Variants in CACNG3 observed in about 807,000 individuals in gnomAD.
CACNG3 encodes the protein voltage-dependent calcium channel gamma-3 subunit.
A neutral mutation model predicts 28.5 loss-of-function variants in CACNG3; 3 were observed. The observed-to-expected ratio is 0.11, with a 90% confidence interval of 0.05 to 0.27. The LOEUF is 0.27. Among genes scored for constraint, CACNG3 ranks in the 10% least tolerant of loss-of-function variants. The pLI, the probability that CACNG3 is intolerant of heterozygous loss-of-function variation, is 1.00. For missense variants in CACNG3, 236 were observed against 414.4 expected (o/e 0.57, Z 3.74); for synonymous variants, 174 against 162.2 (o/e 1.07, Z -0.55).
intron 2 of CACNG3, among the ~76,000 whole-genome samples, chr16:24,352,515 GT>G: frequency 7.8e-6 from 1 of 127,722 alleles, no homozygotes. Context: ...GGGTTATGGG[GT>G]TTTTTTTGTT....
chr16:24,257,485 T>C (rs552497694), intron 1 of CACNG3, among the ~76,000 whole-genome samples: 12 of 151,874 alleles, frequency 7.9e-5, no homozygotes, highest in African/African-American at 2.9e-4. Flanking sequence ...CATAGACTTA[T>C]CAGTTTCTCC....
intron 1 of CACNG3, among the ~76,000 whole-genome samples, chr16:24,311,833 G>A (rs1899268729): frequency 6.6e-6 from 1 of 152,250 alleles, no homozygotes. Flanking sequence ...CTGGGCGACA[G>A]AGCAAGACTC....
chr16:24,330,228 C>A (rs1899613427), intron 1 of CACNG3, among the ~76,000 whole-genome samples: 1 of 152,150 alleles, frequency 6.6e-6, no homozygotes, highest in African/African-American at 2.4e-5. Context: ...AGGTACAGAC[C>A]AGCTCTGCAC....
At chr16:24,332,464 C>CAA (rs397955620) in intron 1 of CACNG3, among the ~76,000 whole-genome samples, 4,877 of 135,342 alleles carry the variant, frequency 0.036, 214 homozygotes, top group African/African-American at 0.1. Flanking sequence ...GACCCTGTCT[C>CAA]AAAAAAAAAA....
At chr16:24,340,942 T>C (rs1043772060) in intron 1 of CACNG3, among the ~76,000 whole-genome samples, 2 of 152,230 alleles carry the variant, frequency 1.3e-5, no homozygotes, top group African/African-American at 4.8e-5. Flanking sequence ...TACCTCTCTC[T>C]GCTCCAATGC....
chr16:24,333,281 AT>A (rs893924334), intron 1 of CACNG3: 48 of 152,344 alleles, frequency 3.2e-4, no homozygotes, highest in African/African-American at 1.1e-3. Flanking sequence ...TCAGAAAAAA[AT>A]CAGCATGTTT....
intron 1 of CACNG3, among the ~76,000 whole-genome samples, chr16:24,270,505 G>T (rs1007112801): frequency 1.3e-5 from 2 of 152,228 alleles, no homozygotes; most frequent in Non-Finnish European, 2.9e-5. Flanking sequence ...TGAGCCAGAG[G>T]TCTGCTGCGC....
In CACNG3 at chr16:24,267,329, C is replaced by T. The variant is rs564084716; in HGVS notation, c.211+10364C>T. Among the ~76,000 whole-genome samples the T allele has an allele frequency of 3.0e-4, 45 of 152,064 alleles. 1 individual carries two copies. Among genetic ancestry groups the T allele is most frequent in the Admixed American group, 2.8e-3 (42 of 15,272 alleles). ...TTGAGACAGGGTCTTGCTCTATTGC[C>T]CAGGCTGAAGTTCAGTGGTGCAATC... is the stretch of plus-strand genomic sequence containing the variant. On this transcript the variant is annotated intron_variant, in intron 1 of 3. Transcript: ENST00000005284.
At chr16:24,263,048 T>C (rs1434808337) in intron 1 of CACNG3, among the ~76,000 whole-genome samples, 1 of 152,248 alleles carries the variant, frequency 6.6e-6, no homozygotes, top group African/African-American at 2.4e-5. Context: ...AATGTAACTT[T>C]GATTGACTCA....
intron 1 of CACNG3, among the ~76,000 whole-genome samples, chr16:24,330,496 G>T (rs1427130039): frequency 1.3e-5 from 2 of 152,202 alleles, no homozygotes; most frequent in Non-Finnish European, 2.9e-5. Context: ...CACCTCCTGA[G>T]GTCACAGCAC....
intron 2 of CACNG3, among the ~76,000 whole-genome samples, chr16:24,352,253 C>T (rs1294438340): frequency 2.0e-5 from 3 of 152,128 alleles, no homozygotes; most frequent in Non-Finnish European, 4.4e-5. Context: ...GGCTTGAACA[C>T]TGAGCAATGT....
chr16:24,267,917 C>T (rs1898636520), intron 1 of CACNG3, among the ~76,000 whole-genome samples: 1 of 152,158 alleles, frequency 6.6e-6, no homozygotes, highest in Admixed American at 6.5e-5. Context: ...ATAATCTGCC[C>T]ACCTTGGCCT....
At chr16:24,343,961 C>A (rs748498886) in intron 1 of CACNG3, among the ~76,000 whole-genome samples, 1 of 151,524 alleles carries the variant, frequency 6.6e-6, no homozygotes, top group Non-Finnish European at 1.5e-5. Flanking sequence ...TGGTGGCAGG[C>A]GCCTTTAATC....
chr16:24,335,937 A>T (rs916418708), intron 1 of CACNG3, among the ~76,000 whole-genome samples: 3 of 9,230 alleles, frequency 3.3e-4, no homozygotes, highest in African/African-American at 1.2e-3. Flanking sequence ...ATAAAAAACA[A>T]AAAAAAAATC....
At chr16:24,291,745 G>A (rs989323775) in intron 1 of CACNG3, among the ~76,000 whole-genome samples, 2 of 152,116 alleles carry the variant, frequency 1.3e-5, no homozygotes, top group African/African-American at 4.8e-5. Flanking sequence ...TTCCTCATCT[G>A]TTAAAGAAAG....
chr16:24,312,945 A>AAGAG (rs1382368912), intron 1 of CACNG3, among the ~76,000 whole-genome samples: 1 of 104,484 alleles, frequency 9.6e-6, no homozygotes, highest in Admixed American at 9.4e-5. Flanking sequence ...GAAAGAAAGA[A>AAGAG]AGAAAGAAAG....
At chr16:24,353,522 G>A (rs1227541704) in intron 2 of CACNG3, among the ~76,000 whole-genome samples, 1 of 152,158 alleles carries the variant, frequency 6.6e-6, no homozygotes, top group South Asian at 2.1e-4. Flanking sequence ...GGCCTTCCAT[G>A]ATCCAGAAAA....
chr16:24,281,853 A>T (rs1898833600), intron 1 of CACNG3, among the ~76,000 whole-genome samples: 1 of 152,244 alleles, frequency 6.6e-6, no homozygotes. Flanking sequence ...TGAGGAAAAC[A>T]AAACTATAGC....
At chr16:24,315,292 G>C (rs917940627) in intron 1 of CACNG3, among the ~76,000 whole-genome samples, 15 of 152,020 alleles carry the variant, frequency 9.9e-5, no homozygotes, top group African/African-American at 3.4e-4. Flanking sequence ...CAGGGGGAAG[G>C]GTCTCCTCCG....
Sources: allele counts gnomAD v4.1 joint callset (sites outside exome capture counted in the v4.1 genomes callset), GRCh38; gene constraint gnomAD v4.1.1; transcripts MANE v1.5; gene names NCBI Gene and HGNC (gene_info 2026-07-23, HGNC 2026-07-21).